Variants in TNFSF15 observed in about 807,000 individuals in gnomAD.
TNFSF15 encodes the protein TNF superfamily member 15.
Under a neutral mutation model 26.4 loss-of-function variants are expected in TNFSF15, and 15 were observed. That is an observed-to-expected ratio of 0.57 (90% CI 0.38 to 0.87). The LOEUF is 0.87. Ranked by LOEUF, TNFSF15 falls within the 40% of genes least tolerant of loss-of-function variation. TNFSF15 has a pLI of 0.00. For missense variants in TNFSF15, 290 were observed against 306.1 expected, an observed-to-expected ratio of 0.95 and a Z score of 0.39; for synonymous variants, 116 against 115.0, an observed-to-expected ratio of 1.01 and a Z score of -0.06.
chr9:114,792,199 G>C, intron 3 of TNFSF15: 1 of 585,578 alleles, frequency 1.7e-6, no homozygotes, highest in Non-Finnish European at 2.9e-6. Flanking sequence ...GAAAACGTGT[G>C]TGTGTGTGTA....
rs1829535928 is a variant in TNFSF15 at position 114,788,214 on chromosome 9, T to C, written c.*2238A>G. 2 of 153,760 alleles carry C rather than the reference T, an allele frequency of 1.3e-5. No individual in the cohort carries two copies. Among genetic ancestry groups the C allele is most frequent in the African/African-American group, 4.8e-5 (2 of 41,460 alleles). 9.5% of individuals were successfully genotyped at this position (153,760 alleles called of 1,614,324 possible). A position where few individuals can be genotyped will look rare whatever the true frequency, so the allele number is the denominator to read the frequency against. ...TTTGGAGTTACTGAGAAATCTTTCT[T>C]TTCTGCTTTAAGTCAAGGGTAATTC... On this transcript the variant is annotated 3_prime_UTR_variant, in exon 4 of 4. Coordinates refer to ENST00000374045, the MANE Select transcript of TNFSF15 (RefSeq NM_005118.4).
At chr9:114,792,224 T>TACACAC (rs142936750) in intron 3 of TNFSF15, 183 bp downstream of exon 3, 266 of 559,676 alleles carry the variant, frequency 4.8e-4, no homozygotes, top group Admixed American at 7.6e-4. Flanking sequence ...CATATGTGTG[T>TACACAC]ACACACACAC....
intron 3 of TNFSF15, 183 bp downstream of exon 3, chr9:114,792,224 T>TACACACAC (rs142936750): frequency 1.1e-4 from 60 of 559,602 alleles, no homozygotes; most frequent in Non-Finnish European, 1.6e-4. Context: ...CATATGTGTG[T>TACACACAC]ACACACACAC....
At position 114,787,126 on chromosome 9, in the gene TNFSF15, A is replaced by T. The variant is rs1379074783; in HGVS notation, c.*3326T>A. 1 of 152,170 alleles carries T rather than the reference A, an allele frequency of 6.6e-6. No homozygotes were observed. The highest frequency in any genetic ancestry group is 1.5e-5 in the Non-Finnish European group (1 of 68,028). 9.4% of individuals were successfully genotyped at this position (152,170 alleles called of 1,614,324 possible). Reference sequence around the variant, plus strand: ...TTAAGGGTATTGATGACCAAACTTGAATATAGCAAATAATAACCTGTCTCT... The same window carrying T: ...TTAAGGGTATTGATGACCAAACTTGTATATAGCAAATAATAACCTGTCTCT... On this transcript the variant is annotated 3_prime_UTR_variant, in exon 4 of 4. Coordinates refer to ENST00000374045, the MANE Select transcript of TNFSF15 (RefSeq NM_005118.4).
intron 1 of TNFSF15, among the ~76,000 whole-genome samples, chr9:114,804,939 A>G (rs1343590807): frequency 6.6e-6 from 1 of 152,212 alleles, no homozygotes; most frequent in Non-Finnish European, 1.5e-5. Flanking sequence ...ATCAGCCACC[A>G]TAGATTATGA....
At chr9:114,800,836 G>T (rs1037579398) in intron 1 of TNFSF15, among the ~76,000 whole-genome samples, 1 of 152,150 alleles carries the variant, frequency 6.6e-6, no homozygotes. Flanking sequence ...GCTGTGATGC[G>T]GTGGAGCCAT....
rs1026802857 is a variant in TNFSF15, at chr9:114,789,223, CCAGTCAGCTGGCTATCTTCCA to C, written c.*1208_*1228del. 6.6e-6 allele frequency: 1 copy of C among 152,280 alleles called. No homozygotes were observed. The allele number at this position is 152,280 out of a possible 1,614,324, so 9.4% of individuals were successfully genotyped here. On this transcript the variant is annotated 3_prime_UTR_variant, in exon 4 of 4. Coordinates refer to ENST00000374045, the MANE Select transcript of TNFSF15 (RefSeq NM_005118.4). The stretch of plus-strand genomic sequence containing the variant: ...AGGGAACTAATCAGCTGGCTATCTT[CCAGTCAGCTGGCTATCTTCCA>C]CAGTCAGTAGAGTGCCAGAAATCTG...
intron 3 of TNFSF15, 133 bp downstream of exon 3, chr9:114,792,274 T>C: frequency 1.1e-6 from 1 of 928,392 alleles, no homozygotes; most frequent in South Asian, 1.7e-5. Flanking sequence ...CACTGGAATA[T>C]TGAGGGGAGG....
intron 3 of TNFSF15, chr9:114,791,151 C>G: frequency 1.7e-6 from 1 of 584,852 alleles, no homozygotes; most frequent in Non-Finnish European, 3.1e-6. Context: ...AGTGGTCTGA[C>G]CTGAAAATTT....
At chr9:114,792,195 G>A (rs1259115217) in intron 3 of TNFSF15, 15 of 454,640 alleles carry the variant, frequency 3.3e-5, no homozygotes, top group Middle Eastern at 5.6e-4. Context: ...TAAGGAAAAC[G>A]TGTGTGTGTG....
At chr9:114,798,496 G>A (rs1047305510) in intron 1 of TNFSF15, among the ~76,000 whole-genome samples, 1 of 151,982 alleles carries the variant, frequency 6.6e-6, no homozygotes, top group Non-Finnish European at 1.5e-5. Context: ...AGAGGAGATT[G>A]AAGTTTAGTG....
rs993345093 is a variant in TNFSF15, at chr9:114,790,503, C to T, written c.705G>A (p.Leu235=). 2 of 1,613,792 alleles carry T rather than the reference C, an allele frequency of 1.2e-6. No homozygotes were observed. Among genetic ancestry groups the T allele is most frequent in the Non-Finnish European group, 1.7e-6 (2 of 1,179,972 alleles). Residue 235 remains leucine (L), a synonymous_variant, in exon 4 of 4, where the codon TTG becomes TTA. Transcript: ENST00000374045. The part of the protein sequence containing the change: ...KLMVNVSDIS[L]VDYTKEDKTF... ...TTTTATCTTCTTTTGTGTAATCCAC[C>T]AAAGAGATGTCACTGACGTTCACCA...
chr9:114,795,303 C>A (rs1284194984), intron 1 of TNFSF15, among the ~76,000 whole-genome samples: 1 of 152,154 alleles, frequency 6.6e-6, no homozygotes, highest in Non-Finnish European at 1.5e-5. Context: ...ATAGAGTGAT[C>A]CTCTTATTAT....
intron 2 of TNFSF15, 24 bp downstream of exon 2, chr9:114,793,502 G>A (rs1324761960): frequency 6.2e-7 from 1 of 1,613,056 alleles, no homozygotes; most frequent in Admixed American, 1.7e-5. Flanking sequence ...CACGAGGAAA[G>A]GCGTTGAAGA....
chr9:114,792,677 A>G (rs1392473438), intron 2 of TNFSF15: 2 of 1,135,466 alleles, frequency 1.8e-6, no homozygotes, highest in Non-Finnish European at 2.4e-6. Context: ...ACACAAATGA[A>G]TCTTGGCCCC....
rs1475279144 is a variant in TNFSF15 at position 114,787,336 on chromosome 9, C to T, written c.*3116G>A. The stretch of plus-strand genomic sequence containing the variant: ...TTCATAATGAGAATAGATCCATGTG[C>T]CTAAAGTTTACGAATTAATTAGCTA... On this transcript the variant is annotated 3_prime_UTR_variant, in exon 4 of 4. Transcript: ENST00000374045. The T allele has an allele frequency of 6.6e-6, 1 of 152,032 alleles. No homozygotes were observed. Among genetic ancestry groups the T allele is most frequent in the Non-Finnish European group, 1.5e-5 (1 of 68,010 alleles). The allele number at this position is 152,032 out of a possible 1,614,324, so 9.4% of individuals were successfully genotyped here. A position where few individuals can be genotyped will look rare whatever the true frequency, so the allele number is the denominator to read the frequency against.
At chr9:114,795,733 T>G (rs1355409162) in intron 1 of TNFSF15, among the ~76,000 whole-genome samples, 1 of 152,092 alleles carries the variant, frequency 6.6e-6, no homozygotes, top group Non-Finnish European at 1.5e-5. Flanking sequence ...TCTGTGTGAG[T>G]GTGAGAGAAT....
At position 114,786,086 on chromosome 9, in the gene TNFSF15, G is replaced by A. The variant is rs1829495762; in HGVS notation, c.*4366C>T. On this transcript the variant is annotated 3_prime_UTR_variant, in exon 4 of 4. Coordinates refer to ENST00000374045, the MANE Select transcript of TNFSF15 (RefSeq NM_005118.4). Reference sequence around the variant, plus strand: ...TCTGATCCACATTCTCTCACCACTGGTGCAAAAGGATTCAAGGCTTATTAG... The same window carrying A: ...TCTGATCCACATTCTCTCACCACTGATGCAAAAGGATTCAAGGCTTATTAG... The A allele has an allele frequency of 1.3e-5, 2 of 152,312 alleles. No individual in the cohort carries two copies. Among genetic ancestry groups the A allele is most frequent in the African/African-American group, 2.4e-5 (1 of 41,430 alleles). The allele number at this position is 152,312 out of a possible 1,614,324, so 9.4% of individuals were successfully genotyped here. A position where few individuals can be genotyped will look rare whatever the true frequency, so the allele number is the denominator to read the frequency against.
At chr9:114,794,243 T>G (rs931640059) in intron 1 of TNFSF15, among the ~76,000 whole-genome samples, 9 of 152,200 alleles carry the variant, frequency 5.9e-5, no homozygotes, top group Non-Finnish European at 1.3e-4. Context: ...TACTTAGCCC[T>G]AAATTACTCA....
Sources: gnomAD v4.1 joint callset for allele counts (sites outside exome capture counted in the v4.1 genomes callset) on GRCh38, gnomAD v4.1.1 for gene constraint, MANE v1.5 for transcripts, NCBI Gene and HGNC (gene_info 2026-07-23, HGNC 2026-07-21) for gene names.